The following KANK1 variants were observed in gnomAD, a reference collection of about 807,000 sequenced individuals.
KANK1 encodes KN motif and ankyrin repeat domain-containing protein 1.
KANK1 carries 109 observed loss-of-function variants against 106.2 expected under a neutral mutation model. The observed-to-expected ratio is 1.03, with a 90% CI of 0.88 to 1.20. The LOEUF is 1.20. Ranked by LOEUF, KANK1 falls within the 50% of genes most tolerant of loss-of-function variation. The pLI, the probability that KANK1 is intolerant of heterozygous loss-of-function variation, is 0.00. For synonymous variants in KANK1, 873 were observed against 652.2 expected, an observed-to-expected ratio of 1.34 and a Z score of -5.16; for missense variants, 2,399 against 1,710.7, an observed-to-expected ratio of 1.40 and a Z score of -7.10.
upstream of KANK1, among the ~76,000 whole-genome samples, chr9:504,359 G>GACGAAGGTGCACGAAGGTGC (rs1430093577): frequency 6.6e-6 from 1 of 151,700 alleles, no homozygotes; most frequent in Admixed American, 6.6e-5. Flanking sequence ...CAGGCGCGGC[G>GACGAAGGTGCACGAAGGTGC]ACGAAGGTGC....
intron 1 of KANK1, among the ~76,000 whole-genome samples, chr9:621,249 G>A (rs1833079672): frequency 6.6e-6 from 1 of 152,104 alleles, no homozygotes; most frequent in African/African-American, 2.4e-5. Context: ...GCAACCAAAA[G>A]TAAATTAATA....
At chr9:730,516 A>G in intron 4 of KANK1, 1 of 410,626 alleles carries the variant, frequency 2.4e-6, no homozygotes, top group Non-Finnish European at 4.6e-6. Flanking sequence ...ACATGGTGAA[A>G]CCCCATCTCT....
At chr9:517,663 C>T (rs1031252970) in intron 1 of KANK1, among the ~76,000 whole-genome samples, 1 of 150,550 alleles carries the variant, frequency 6.6e-6, no homozygotes, top group Admixed American at 6.6e-5. Flanking sequence ...GGGCTCAATT[C>T]TGCCTGTTGT....
chr9:620,131 T>TAAA (rs35162748), intron 1 of KANK1, among the ~76,000 whole-genome samples: 2 of 147,666 alleles, frequency 1.4e-5, no homozygotes, highest in South Asian at 4.3e-4. Flanking sequence ...GACTCCCATC[T>TAAA]AAAAAAAAAA....
chr9:723,525 C>A (rs1173288990), intron 3 of KANK1, among the ~76,000 whole-genome samples: 1 of 152,024 alleles, frequency 6.6e-6, no homozygotes, highest in African/African-American at 2.4e-5. Flanking sequence ...CTCCAAAGGC[C>A]AAGGTGGGAG....
chr9:474,819 C>A (rs961523968), intron 3 of KANK1, among the ~76,000 whole-genome samples: 1 of 152,166 alleles, frequency 6.6e-6, no homozygotes, highest in African/African-American at 2.4e-5. Flanking sequence ...GCTGTCTAGG[C>A]CATCTAGACT....
At chr9:485,611 G>A (rs925058590) in intron 3 of KANK1, among the ~76,000 whole-genome samples, 3 of 152,140 alleles carry the variant, frequency 2.0e-5, no homozygotes, top group Admixed American at 6.5e-5. Flanking sequence ...AGTGGTTCAC[G>A]CCTGTAATCC....
intron 1 of KANK1, among the ~76,000 whole-genome samples, chr9:626,935 C>G (rs1038917206): frequency 2.0e-5 from 3 of 152,212 alleles, no homozygotes; most frequent in South Asian, 4.2e-4. Flanking sequence ...TGGTGTACAT[C>G]GGTGCTTCTC....
At position 744,481 on chromosome 9, in the gene KANK1, T is replaced by G; in HGVS notation, c.3898-10T>G. On this transcript the variant is annotated splice_polypyrimidine_tract_variant and intron_variant, in intron 10 of 11. Coordinates refer to ENST00000382297, the MANE Select transcript of KANK1 (RefSeq NM_015158.5). ...CCCAACATGGCTTGTTCTTTCCATCTTATCTTAAGGATGGCAGCACTGCGC... is the reference window on the plus strand; with the variant it reads ...CCCAACATGGCTTGTTCTTTCCATCGTATCTTAAGGATGGCAGCACTGCGC... 1 of 1,609,098 alleles carries G rather than the reference T, an allele frequency of 6.2e-7. No individual in the cohort carries two copies. Among genetic ancestry groups the G allele is most frequent in the Non-Finnish European group, 8.5e-7 (1 of 1,176,070 alleles).
At position 547,014 on chromosome 9, in the gene KANK1, T is replaced by G. The variant is rs1290931154; in HGVS notation, c.-84+42260T>G. 2.6e-5 allele frequency among the ~76,000 whole-genome samples: 4 copies of G among 152,342 alleles called. No homozygotes were observed. The East Asian group carries it at 5.8e-4, about 22-fold the overall frequency. On this transcript the variant is annotated intron_variant, in intron 1 of 11. Coordinates refer to ENST00000382297, the MANE Select transcript of KANK1 (RefSeq NM_015158.5). ...ATTTTGGGAACAAATCAGGTCATTATCTCAACAATGTCAAAATTGTGTTCC... is the reference window on the plus strand; with the variant it reads ...ATTTTGGGAACAAATCAGGTCATTAGCTCAACAATGTCAAAATTGTGTTCC...
At chr9:505,835 C>A (rs1236315325) in intron 1 of KANK1, among the ~76,000 whole-genome samples, 1 of 152,214 alleles carries the variant, frequency 6.6e-6, no homozygotes, top group Non-Finnish European at 1.5e-5. Flanking sequence ...TCCTCACCGT[C>A]ATTGCCCCCC....
intron 1 of KANK1, among the ~76,000 whole-genome samples, chr9:618,520 T>C (rs2136319579): frequency 6.6e-6 from 1 of 152,260 alleles, no homozygotes; most frequent in Non-Finnish European, 1.5e-5. Flanking sequence ...AGATTACATT[T>C]TTAAAATGAA....
chr9:672,057 T>C (rs140533367), intron 1 of KANK1, among the ~76,000 whole-genome samples: 2 of 152,338 alleles, frequency 1.3e-5, no homozygotes, highest in Admixed American at 1.3e-4. Context: ...GTGTCTACCT[T>C]ACGTATATGC....
intron 1 of KANK1, among the ~76,000 whole-genome samples, chr9:655,165 C>T (rs12005554): frequency 0.41 from 62,019 of 151,750 alleles, 14,376 homozygotes; most frequent in African/African-American, 0.6. Flanking sequence ...CGGTCAGGAG[C>T]TCGGGACCAG....
intron 1 of KANK1, chr9:540,507 G>A (rs1026178282): frequency 3.3e-5 from 5 of 152,246 alleles, no homozygotes; most frequent in African/African-American, 9.6e-5. Context: ...TTTTCTTGTA[G>A]TGTCCTTGCT....
At chr9:698,291 T>C (rs1265029471) in intron 2 of KANK1, among the ~76,000 whole-genome samples, 1 of 151,990 alleles carries the variant, frequency 6.6e-6, no homozygotes, top group Non-Finnish European at 1.5e-5. Context: ...ACAGAGCGAG[T>C]CTGTGTTCTG....
chr9:581,386 C>T (rs772846476), intron 1 of KANK1, among the ~76,000 whole-genome samples: 50 of 152,342 alleles, frequency 3.3e-4, no homozygotes, highest in Middle Eastern at 3.4e-3. Context: ...GAAATGCTTG[C>T]ATGATACAAG....
intron 1 of KANK1, among the ~76,000 whole-genome samples, chr9:603,480 C>A (rs1052709941): frequency 2.6e-4 from 40 of 151,780 alleles, no homozygotes; most frequent in Non-Finnish European, 5.9e-5. Flanking sequence ...AAGTCATATT[C>A]TTGGTGCCTT....
intron 3 of KANK1, among the ~76,000 whole-genome samples, chr9:723,073 G>A (rs1429889853): frequency 1.3e-5 from 2 of 152,138 alleles, no homozygotes; most frequent in African/African-American, 4.8e-5. Context: ...GAAGGATGGC[G>A]AATTTCCAGA....
Sources: gnomAD v4.1 joint callset for allele counts (sites outside exome capture counted in the v4.1 genomes callset) on GRCh38, gnomAD v4.1.1 for gene constraint, MANE v1.5 for transcripts, NCBI Gene and HGNC (gene_info 2026-07-23, HGNC 2026-07-21) for gene names.